Variants in ROBO2 observed in about 807,000 individuals in gnomAD.
ROBO2 encodes roundabout guidance receptor 2, also known as roundabout homolog 2.
Under a neutral mutation model 160.8 loss-of-function variants are expected in ROBO2, and 53 were observed. The observed-to-expected ratio is 0.33, with a 90% CI of 0.26 to 0.41. ROBO2 has a LOEUF of 0.41. Ranked by LOEUF, ROBO2 falls within the 10% of genes least tolerant of loss-of-function variation. ROBO2 has a pLI of 1.00. For missense variants in ROBO2, 1,577 were observed against 1,722.4 expected, an observed-to-expected ratio of 0.92 and a Z score of 1.49; for synonymous variants, 664 against 611.7, an observed-to-expected ratio of 1.09 and a Z score of -1.26.
At chr3:76,903,927 TG>T (rs1327582582) in intron 2 of ROBO2, among the ~76,000 whole-genome samples, 1 of 132,182 alleles carries the variant, frequency 7.6e-6, no homozygotes, top group Non-Finnish European at 1.6e-5. Context: ...GACTTGTACT[TG>T]GGAAGAAAAG....
intron 2 of ROBO2, among the ~76,000 whole-genome samples, chr3:77,122,640 C>T (rs898476934): frequency 1.3e-5 from 2 of 152,154 alleles, no homozygotes; most frequent in Non-Finnish European, 2.9e-5. Flanking sequence ...GCTGAAGTCC[C>T]GTCAAACACC....
intron 15 of ROBO2, 119 bp from the exon 17 acceptor site, chr3:77,579,828 T>G (rs2093867409): frequency 5.3e-6 from 5 of 942,158 alleles, no homozygotes; most frequent in Non-Finnish European, 8.1e-6. Flanking sequence ...TTTGCAAAAC[T>G]TCTATAAGCC....
rs1359309241 is a variant in ROBO2 at position 76,590,938 on chromosome 3, AATG to A, written c.110-507067_110-507065del. On this transcript the variant is annotated intron_variant, in intron 2 of 26. Coordinates refer to the ROBO2 transcript ENST00000487694. ...GGCTGAATAGCTAACAAAATTTCAAAATGATGATGATAAACGATATGTTACATA... is the reference window on the plus strand; with the variant it reads ...GGCTGAATAGCTAACAAAATTTCAAAATGATGATAAACGATATGTTACATA... Among the ~76,000 whole-genome samples the A allele has an allele frequency of 5.3e-5, 8 of 152,222 alleles. No individual in the cohort carries two copies. The East Asian group carries it at 1.4e-3, about 26-fold the overall frequency.
intron 2 of ROBO2, among the ~76,000 whole-genome samples, chr3:76,512,979 G>C (rs1014931051): frequency 6.6e-6 from 1 of 151,952 alleles, no homozygotes; most frequent in Non-Finnish European, 1.5e-5. Context: ...TCTAGAGGAA[G>C]AAAAAATTAA....
intron 2 of ROBO2, among the ~76,000 whole-genome samples, chr3:76,958,998 G>A (rs566109793): frequency 6.6e-6 from 1 of 152,222 alleles, no homozygotes; most frequent in South Asian, 2.1e-4. Context: ...CAGCTAATAG[G>A]AAGATACATC....
At chr3:77,382,346 CTTTTTTT>C (rs58518864) in intron 2 of ROBO2, among the ~76,000 whole-genome samples, 136 of 135,078 alleles carry the variant, frequency 1.0e-3, no homozygotes, top group Admixed American at 2.1e-3. Flanking sequence ...AACACATGTC[CTTTTTTT>C]TTTTTTTTTA....
intron 2 of ROBO2, among the ~76,000 whole-genome samples, chr3:77,284,506 T>C (rs62249726): frequency 5.3e-5 from 8 of 152,184 alleles, no homozygotes; most frequent in African/African-American, 1.9e-4. Flanking sequence ...TCAACATCAC[T>C]GTCATTTTCT....
intron 2 of ROBO2, among the ~76,000 whole-genome samples, chr3:76,909,473 G>A (rs574362326): frequency 9.8e-4 from 149 of 152,142 alleles, no homozygotes; most frequent in African/African-American, 3.5e-3. Flanking sequence ...ACTGTTCATG[G>A]GATGAGCACC....
chr3:77,559,503 G>C (rs929413061), intron 9 of ROBO2, among the ~76,000 whole-genome samples: 6 of 152,086 alleles, frequency 3.9e-5, no homozygotes, highest in Non-Finnish European at 2.9e-5. Context: ...AATTTCAGTG[G>C]AGGAGAAATC....
intron 2 of ROBO2, among the ~76,000 whole-genome samples, chr3:77,306,417 T>C (rs2063096686): frequency 6.6e-6 from 1 of 152,116 alleles, no homozygotes; most frequent in Admixed American, 6.5e-5. Flanking sequence ...ATGTATAAAC[T>C]CAAAGATATA....
intron 5 of ROBO2, among the ~76,000 whole-genome samples, chr3:77,497,522 T>C (rs1443250304): frequency 6.6e-6 from 1 of 152,096 alleles, no homozygotes; most frequent in Non-Finnish European, 1.5e-5. Flanking sequence ...AGTTCTTTAG[T>C]TTTTGTTTTA....
chr3:76,980,616 G>A (rs2060047779), intron 2 of ROBO2, among the ~76,000 whole-genome samples: 1 of 152,126 alleles, frequency 6.6e-6, no homozygotes, highest in Non-Finnish European at 1.5e-5. Flanking sequence ...ATTTTGGGAA[G>A]TGGGTTTAAC....
intron 2 of ROBO2, among the ~76,000 whole-genome samples, chr3:76,536,931 AGGAAATTGTT>A: frequency 6.6e-6 from 1 of 152,202 alleles, no homozygotes; most frequent in East Asian, 1.9e-4. Context: ...CCTCTCTAAG[AGGAAATTGTT>A]GGGCAGGTGG....
chr3:77,642,559 T>G, intron 24 of ROBO2, 112 bp from the exon 26 acceptor site: 1 of 360,488 alleles, frequency 2.8e-6, no homozygotes. Context: ...TCCCCAAATT[T>G]TTTTTGTATG....
chr3:77,239,053 C>G (rs1580282139), intron 2 of ROBO2, among the ~76,000 whole-genome samples: 1 of 152,138 alleles, frequency 6.6e-6, no homozygotes, highest in Non-Finnish European at 1.5e-5. Flanking sequence ...AAAGTCAGTC[C>G]CCCATGTCCT....
At chr3:77,185,352 T>C (rs920188886) in intron 2 of ROBO2, among the ~76,000 whole-genome samples, 19 of 151,796 alleles carry the variant, frequency 1.3e-4, no homozygotes, top group Non-Finnish European at 2.7e-4. Flanking sequence ...GAAGAGCAGG[T>C]TTTTAGTGAA....
intron 4 of ROBO2, among the ~76,000 whole-genome samples, chr3:77,485,164 G>T (rs1291823175): frequency 6.6e-6 from 1 of 151,934 alleles, no homozygotes; most frequent in African/African-American, 2.4e-5. Context: ...TTCTTTCTTG[G>T]TTAACCCCTC....
At chr3:76,182,337 G>GT (rs1559619320) in intron 2 of ROBO2, among the ~76,000 whole-genome samples, 1 of 152,142 alleles carries the variant, frequency 6.6e-6, no homozygotes, top group East Asian at 1.9e-4. Context: ...CTGGAAATAC[G>GT]TTTTTCTCCA....
Position 76,229,076 on chromosome 3 carries a change from T to C in ROBO2, c.109+291474T>C, listed in dbSNP as rs146965146. Among the ~76,000 whole-genome samples the C allele has an allele frequency of 2.6e-3, 389 of 152,212 alleles. 4 individuals are homozygous for C. Among genetic ancestry groups the C allele is most frequent in the African/African-American group, 9.0e-3 (373 of 41,566 alleles). ...AAATAAAATCTTTCCTCTTCTCAAA[T>C]TCTCTAGTATATCAGTTTCCACAAT... On this transcript the variant is annotated intron_variant, in intron 2 of 26. Coordinates refer to the ROBO2 transcript ENST00000487694.
Sources: allele counts gnomAD v4.1 joint callset (sites outside exome capture counted in the v4.1 genomes callset), GRCh38; gene constraint gnomAD v4.1.1; transcripts MANE v1.5; gene names NCBI Gene and HGNC (gene_info 2026-07-23, HGNC 2026-07-21).